The following MGMT variants were observed in gnomAD, a reference collection of about 807,000 sequenced individuals.
The protein encoded by MGMT is O-6-methylguanine-DNA methyltransferase, also known as methylated-DNA--protein-cysteine methyltransferase.
A neutral mutation model predicts 15.9 loss-of-function variants in MGMT; 14 were observed. The observed-to-expected ratio is 0.88, with a 90% CI of 0.58 to 1.37. The LOEUF is 1.37. MGMT is among the 40% of genes most tolerant of loss of function. The probability of loss-of-function intolerance (pLI) is 0.00; values close to 1 mark genes in which losing one functional copy is unlikely to be tolerated. For synonymous variants in MGMT, 130 were observed against 118.2 expected, an observed-to-expected ratio of 1.10 and a Z score of -0.65; for missense variants, 282 against 268.1, an observed-to-expected ratio of 1.05 and a Z score of -0.36.
Position 129,566,847 on chromosome 10 carries a change from C to T in MGMT, c.125+30470C>T, listed in dbSNP as rs1846360777. Among the ~76,000 whole-genome samples the T allele has an allele frequency of 6.6e-6, 1 of 152,068 alleles. No homozygotes were observed. The highest frequency in any genetic ancestry group is 1.5e-5 in the Non-Finnish European group (1 of 68,002). On this transcript the variant is annotated intron_variant, in intron 2 of 4. Coordinates refer to ENST00000651593, the MANE Select transcript of MGMT (RefSeq NM_002412.5). This position sits in a 1 kb window ranked among gnomAD's most constrained non-coding sequence, Gnocchi z 4.1. ...GCTGCAGGCTGGGGAGCCCCCGTGG[C>T]GAACAGAGGCTCTAAGAGAGGGGTC...
At chr10:129,738,262 C>A (rs541828305) in intron 3 of MGMT, among the ~76,000 whole-genome samples, 1 of 152,208 alleles carries the variant, frequency 6.6e-6, no homozygotes, top group Non-Finnish European at 1.5e-5. Flanking sequence ...CCTGGTGCGC[C>A]GTTTTTTAAG....
chr10:129,673,478 T>G (rs566861358), intron 2 of MGMT, among the ~76,000 whole-genome samples: 40 of 152,266 alleles, frequency 2.6e-4, no homozygotes, highest in African/African-American at 9.6e-4. Context: ...TAAGGTGTCT[T>G]CCTCGCAGTG....
Position 129,517,987 on chromosome 10 carries a change from G to C in MGMT, c.-12-18254G>C, listed in dbSNP as rs2119714286. The stretch of plus-strand genomic sequence containing the variant: ...GATGTTGTGTGGCTCGGGCCTGCCT[G>C]CCTTATTTGGAGATATTTCGCACCT... On this transcript the variant is annotated intron_variant, in intron 1 of 4. Transcript: ENST00000651593. 2.0e-5 allele frequency among the ~76,000 whole-genome samples: 3 copies of C among 152,202 alleles called. No homozygotes were observed. The South Asian group carries it at 6.2e-4, about 32-fold the overall frequency.
chr10:129,732,803 C>T (rs1198755830), intron 3 of MGMT, among the ~76,000 whole-genome samples: 1 of 146,988 alleles, frequency 6.8e-6, no homozygotes, highest in East Asian at 2.1e-4. Flanking sequence ...TGAGAATATG[C>T]AGTGTTTGGT....
intron 2 of MGMT, among the ~76,000 whole-genome samples, chr10:129,667,579 G>A (rs930507088): frequency 2.0e-5 from 3 of 152,142 alleles, no homozygotes; most frequent in African/African-American, 7.2e-5. Context: ...GCCCCTGCCT[G>A]TGGTCATTCC....
chr10:129,767,341 A>G lies in MGMT; in HGVS notation c.*344A>G, dbSNP rs1848951049. 2.1e-5 allele frequency: 4 copies of G among 186,148 alleles called. No individual in the cohort carries two copies. Among genetic ancestry groups the G allele is most frequent in the Non-Finnish European group, 1.1e-5 (1 of 90,550 alleles). 11.5% of individuals were successfully genotyped at this position (186,148 alleles called of 1,614,324 possible). The stretch of plus-strand genomic sequence containing the variant: ...CCATAGCCGCTGTCCAGGGCCAGCT[A>G]AGGCCCATCCCAGGCCGTCCACACT... On this transcript the variant is annotated 3_prime_UTR_variant, in exon 5 of 5. Transcript: ENST00000651593.
chr10:129,761,958 A>T (rs1848878999), intron 4 of MGMT, among the ~76,000 whole-genome samples: 1 of 152,230 alleles, frequency 6.6e-6, no homozygotes, highest in Non-Finnish European at 1.5e-5. Context: ...GCCTTCAGCT[A>T]CGTAGTTTAC....
intron 2 of MGMT, among the ~76,000 whole-genome samples, chr10:129,636,483 G>T (rs1301546175): frequency 6.6e-6 from 1 of 152,190 alleles, no homozygotes; most frequent in African/African-American, 2.4e-5. Context: ...ATTGAAAGAA[G>T]GCCTTAATGC....
At chr10:129,666,168 ATTC>A (rs374995331) in intron 2 of MGMT, among the ~76,000 whole-genome samples, 91 of 152,302 alleles carry the variant, frequency 6.0e-4, no homozygotes, top group South Asian at 1.7e-3. Context: ...TGTTCTCTGT[ATTC>A]TTGTAACTTT....
chr10:129,692,587 G>A (rs1847981901), intron 2 of MGMT, among the ~76,000 whole-genome samples: 1 of 152,212 alleles, frequency 6.6e-6, no homozygotes, highest in Non-Finnish European at 1.5e-5. Context: ...TATGAGCCAA[G>A]TGGTGACGTG....
At chr10:129,682,523 T>C (rs1847864250) in intron 2 of MGMT, among the ~76,000 whole-genome samples, 1 of 152,058 alleles carries the variant, frequency 6.6e-6, no homozygotes. Context: ...GTCTTTGTGA[T>C]GAGACAGTTC....
At chr10:129,641,918 T>C (rs1847331878) in intron 2 of MGMT, among the ~76,000 whole-genome samples, 1 of 152,236 alleles carries the variant, frequency 6.6e-6, no homozygotes, top group South Asian at 2.1e-4. Flanking sequence ...GCGGCATAGC[T>C]AATATTAGAA....
intron 2 of MGMT, among the ~76,000 whole-genome samples, chr10:129,604,966 T>C (rs1846871679): frequency 6.6e-6 from 1 of 152,248 alleles, no homozygotes; most frequent in East Asian, 1.9e-4. Flanking sequence ...GGGGCCCCAC[T>C]GTCTCTGCTG....
intron 4 of MGMT, among the ~76,000 whole-genome samples, chr10:129,766,009 C>A (rs765815504): frequency 6.6e-6 from 1 of 152,190 alleles, no homozygotes; most frequent in Non-Finnish European, 1.5e-5. Context: ...CTGAAGGAGG[C>A]GCCCGCCCCT....
intron 2 of MGMT, among the ~76,000 whole-genome samples, chr10:129,655,912 G>A (rs937532456): frequency 6.6e-6 from 1 of 152,188 alleles, no homozygotes; most frequent in African/African-American, 2.4e-5. Context: ...ACGTGGATGA[G>A]AAGTTCCACG....
chr10:129,722,975 C>T (rs1008560543), intron 3 of MGMT, among the ~76,000 whole-genome samples: 1 of 127,784 alleles, frequency 7.8e-6, no homozygotes. Context: ...CACTGCATTC[C>T]AGTTTGGGTG....
At chr10:129,546,134 G>A (rs1846095648) in intron 2 of MGMT, among the ~76,000 whole-genome samples, 4 of 152,260 alleles carry the variant, frequency 2.6e-5, no homozygotes, top group Admixed American at 1.3e-4. Context: ...CTCTAAACGT[G>A]TGAGTGCCCT....
chr10:129,743,231 C>T (rs942871774), intron 3 of MGMT, among the ~76,000 whole-genome samples: 4 of 152,352 alleles, frequency 2.6e-5, no homozygotes, highest in East Asian at 1.9e-4. Context: ...GCACCTCGTT[C>T]GCCATCACCT....
intron 3 of MGMT, among the ~76,000 whole-genome samples, chr10:129,753,375 G>C (rs752276266): frequency 6.6e-6 from 1 of 152,082 alleles, no homozygotes; most frequent in African/African-American, 2.4e-5. Flanking sequence ...TGCCAAATTT[G>C]ACAAAATTTT....
Sources: gnomAD v4.1 joint callset for allele counts (sites outside exome capture counted in the v4.1 genomes callset) on GRCh38, gnomAD v4.1.1 for gene constraint, Gnocchi (gnomAD v3.1) non-coding constraint, MANE v1.5 for transcripts, NCBI Gene and HGNC (gene_info 2026-07-23, HGNC 2026-07-21) for gene names.